Variants in SQOR observed in about 807,000 individuals in gnomAD.
SQOR encodes the protein sulfide quinone oxidoreductase.
SQOR carries 39 observed loss-of-function variants against 48.6 expected under a neutral mutation model. That is an observed-to-expected ratio of 0.80 (90% CI 0.62 to 1.05). SQOR has a LOEUF of 1.05. Ranked by LOEUF, SQOR falls within the 50% of genes least tolerant of loss-of-function variation. The probability of loss-of-function intolerance (pLI) is 0.00; values close to 1 mark genes in which losing one functional copy is unlikely to be tolerated. For missense variants in SQOR, 561 were observed against 559.9 expected, an observed-to-expected ratio of 1.00 and a Z score of -0.02; for synonymous variants, 220 against 206.2, an observed-to-expected ratio of 1.07 and a Z score of -0.57.
intron 1 of SQOR, among the ~76,000 whole-genome samples, chr15:45,650,403 T>G (rs550515908): frequency 6.6e-6 from 1 of 152,330 alleles, no homozygotes; most frequent in South Asian, 2.1e-4. Flanking sequence ...TTCTTCCTTC[T>G]GGTGGGTTCG....
chr15:45,685,935 C>A (rs1347408821), intron 7 of SQOR, among the ~76,000 whole-genome samples: 1 of 152,016 alleles, frequency 6.6e-6, no homozygotes, highest in African/African-American at 2.4e-5. Context: ...ACCTCTTGGG[C>A]TCAAGTGATC....
chr15:45,673,571 T>C (rs994568469), intron 4 of SQOR, 36 bp from the exon 5 acceptor site: 3 of 1,599,494 alleles, frequency 1.9e-6, no homozygotes, highest in Non-Finnish European at 2.6e-6. Flanking sequence ...ACATTTGCAC[T>C]TTTGTTTAAA....
chr15:45,652,945 C>A (rs527959306), intron 1 of SQOR, among the ~76,000 whole-genome samples: 1 of 150,750 alleles, frequency 6.6e-6, no homozygotes, highest in African/African-American at 2.4e-5. Context: ...GGCGACAGAG[C>A]AAGATTCCGC....
rs748780003 is a variant in SQOR at position 45,662,138 on chromosome 15, G to A, written c.405+13G>A. On this transcript the variant is annotated intron_variant, in intron 3 of 9. Transcript: ENST00000260324. ...TGACGACGAGAAGGTAACCACTGAG[G>A]CCTTTAGATTTTTTGTTAATCTGAC... 5.0e-6 allele frequency: 8 copies of A among 1,609,938 alleles called. No individual in the cohort carries two copies. Among genetic ancestry groups the A allele is most frequent in the South Asian group, 3.3e-5 (3 of 90,684 alleles).
intron 1 of SQOR, among the ~76,000 whole-genome samples, chr15:45,650,296 A>G (rs560868721): frequency 2.6e-5 from 4 of 152,174 alleles, no homozygotes; most frequent in Admixed American, 2.0e-4. Flanking sequence ...TGACTTCAAG[A>G]ATCACCCTGT....
chr15:45,638,931 G>A (rs1239834774), intron 1 of SQOR, among the ~76,000 whole-genome samples: 1 of 152,138 alleles, frequency 6.6e-6, no homozygotes, highest in East Asian at 1.9e-4. Flanking sequence ...AGTCTCATCA[G>A]CACTGAGGTC....
chr15:45,643,167 C>G (rs987739210), intron 1 of SQOR, among the ~76,000 whole-genome samples: 11 of 152,180 alleles, frequency 7.2e-5, no homozygotes, highest in African/African-American at 1.9e-4. Context: ...TCCTTACATA[C>G]AGTGGGCGCT....
At chr15:45,654,794 A>G (rs1231853410) in intron 1 of SQOR, among the ~76,000 whole-genome samples, 1 of 152,158 alleles carries the variant, frequency 6.6e-6, no homozygotes, top group Non-Finnish European at 1.5e-5. Flanking sequence ...GGTGGTGGAT[A>G]TGTCAGATTT....
chr15:45,660,051 G>A (rs2140948350), intron 2 of SQOR, among the ~76,000 whole-genome samples: 1 of 152,328 alleles, frequency 6.6e-6, no homozygotes, highest in South Asian at 2.1e-4. Context: ...GACACTAGGA[G>A]GGAAGACTGA....
intron 7 of SQOR, among the ~76,000 whole-genome samples, chr15:45,683,892 TTTTGTTTGTTTG>T (rs147802488): frequency 0.04 from 6,022 of 149,602 alleles, 187 homozygotes; most frequent in Non-Finnish European, 0.063. Context: ...ATATATATAT[TTTTGTTTGTTTG>T]TTTGTTTGTT....
At chr15:45,657,580 C>T (rs1343483484) in intron 1 of SQOR, among the ~76,000 whole-genome samples, 4 of 152,038 alleles carry the variant, frequency 2.6e-5, no homozygotes, top group East Asian at 1.9e-4. Context: ...AAGAAGTTGT[C>T]GGGGCACCAA....
chr15:45,638,162 A>C (rs990127577), intron 1 of SQOR, among the ~76,000 whole-genome samples: 1 of 152,192 alleles, frequency 6.6e-6, no homozygotes, highest in Non-Finnish European at 1.5e-5. Context: ...GAACAAAAAA[A>C]CCCTCGGAAA....
chr15:45,673,549 A>C (rs1889978825), intron 4 of SQOR, 58 bp from the exon 5 acceptor site: 1 of 1,539,464 alleles, frequency 6.5e-7, no homozygotes, highest in Non-Finnish European at 8.9e-7. Context: ...GCAAAGAACA[A>C]GGACTCTAAA....
intron 1 of SQOR, among the ~76,000 whole-genome samples, chr15:45,653,908 G>A (rs1452346270): frequency 2.0e-5 from 3 of 152,056 alleles, no homozygotes; most frequent in Non-Finnish European, 4.4e-5. Flanking sequence ...CGGCAAGGCG[G>A]GCAGATTACA....
In SQOR at chr15:45,673,684, G is replaced by A. The variant is rs1453700860; in HGVS notation, c.537G>A (p.Trp179Ter). 7 of 1,614,064 alleles carry A rather than the reference G, an allele frequency of 4.3e-6. No individual in the cohort carries two copies. In the African/African-American group the frequency reaches 8.0e-5, roughly 18 times the overall value. Residue 179 changes from tryptophan to a stop codon, truncating the protein, a stop_gained, in exon 5 of 10, where the codon TGG (tryptophan) becomes TGA (stop). Coordinates refer to ENST00000260324, the MANE Select transcript of SQOR (RefSeq NM_021199.4). LOFTEE classifies it high-confidence loss of function. ...NYSVKTVEKT[W>*]KALQDFKEGN... ...CAGTTAAGACTGTAGAGAAGACATGGAAAGCTCTGCAGGACTTCAAAGAGG... is the reference window on the plus strand; with the variant it reads ...CAGTTAAGACTGTAGAGAAGACATGAAAAGCTCTGCAGGACTTCAAAGAGG...
Position 45,661,314 on chromosome 15 carries a change from AG to A in SQOR, c.235-639del, listed in dbSNP as rs1555401207. Among the ~76,000 whole-genome samples, 8 of 148,582 alleles carry A rather than the reference AG, an allele frequency of 5.4e-5. No individual in the cohort carries two copies. In the South Asian group the frequency reaches 8.5e-4, roughly 16 times the overall value. On this transcript the variant is annotated intron_variant, in intron 2 of 9. Coordinates refer to ENST00000260324, the MANE Select transcript of SQOR (RefSeq NM_021199.4). ...TTAAAAAAAAAAAAAAAAAAAAAAA[AG>A]GACCATCTGAAGCAAGAAAACTCCA... is the stretch of plus-strand genomic sequence containing the variant.
intron 1 of SQOR, among the ~76,000 whole-genome samples, chr15:45,649,265 G>A (rs1889414443): frequency 1.3e-5 from 2 of 152,190 alleles, no homozygotes; most frequent in African/African-American, 4.8e-5. Context: ...CCAGTCCGCT[G>A]TCTTATCTTT....
At chr15:45,682,139 C>A (rs991210950) in intron 6 of SQOR, among the ~76,000 whole-genome samples, 8 of 152,188 alleles carry the variant, frequency 5.3e-5, no homozygotes, top group African/African-American at 1.7e-4. Context: ...AAATATACCA[C>A]CCCCTTATTT....
At chr15:45,688,520 T>G in intron 8 of SQOR, 116 bp downstream of exon 8, 8 of 804,782 alleles carry the variant, frequency 9.9e-6, no homozygotes, top group Non-Finnish European at 1.5e-5. Context: ...TTTTTCTTTT[T>G]TTTTTTTTTG....
Sources: allele counts gnomAD v4.1 joint callset (sites outside exome capture counted in the v4.1 genomes callset), GRCh38; gene constraint gnomAD v4.1.1; transcripts MANE v1.5; gene names NCBI Gene and HGNC (gene_info 2026-07-23, HGNC 2026-07-21).